Variants in DIPK1C observed in about 807,000 individuals in gnomAD.
The protein encoded by DIPK1C is divergent protein kinase domain 1C.
Under a neutral mutation model 28.0 loss-of-function variants are expected in DIPK1C, and 33 were observed. That is an observed-to-expected ratio of 1.18 (90% confidence interval 0.89 to 1.58). The LOEUF is 1.58. Among genes scored for constraint, DIPK1C ranks in the 40% most tolerant of loss-of-function variants. The pLI is 0.00. For missense variants in DIPK1C, 569 were observed against 568.5 expected (o/e 1.00, Z -0.01); for synonymous variants, 255 against 248.8 (o/e 1.02, Z -0.23).
intron 1 of DIPK1C, among the ~76,000 whole-genome samples, chr18:74,454,170 G>A (rs1986455470): frequency 6.9e-6 from 1 of 145,082 alleles, no homozygotes; most frequent in African/African-American, 2.5e-5. Context: ...GCCATTAAGA[G>A]GAGCCCTAGA....
chr18:74,438,549 T>G (rs184132570), intron 3 of DIPK1C, among the ~76,000 whole-genome samples: 76 of 152,346 alleles, frequency 5.0e-4, no homozygotes, highest in African/African-American at 1.8e-3. Flanking sequence ...CGCCACAGAT[T>G]CATTTTGCCA....
chr18:74,444,805 C>T (rs1426897933), intron 2 of DIPK1C, among the ~76,000 whole-genome samples: 1 of 152,110 alleles, frequency 6.6e-6, no homozygotes, highest in Non-Finnish European at 1.5e-5. Flanking sequence ...CGGTGCAGCA[C>T]CAGCCGACAA....
chr18:74,448,671 A>G (rs4892216), intron 1 of DIPK1C, among the ~76,000 whole-genome samples: 28,899 of 152,122 alleles, frequency 0.19, 3,610 homozygotes, highest in East Asian at 0.54. Context: ...CATCAGGAGA[A>G]GCCTGGGAAC....
rs763408015 is a variant in DIPK1C at position 74,447,104 on chromosome 18, C to T, written c.378G>A (p.Pro126=). The change falls in exon 2 of 4, where the codon CCG becomes CCA. Residue 126 remains proline, a synonymous_variant. Coordinates refer to ENST00000343998, the MANE Select transcript of DIPK1C (RefSeq NM_001044369.3). The surrounding 1 kb of genome is among the most constrained non-coding windows in gnomAD (Gnocchi z 4.1). ...KSKEEAFSSF[P]PLSLLEEEAG... ...CCTCCTCTTCCAACAGGCTGAGGGGCGGGAAGCTGGAGAAGGCCTCCTCCT... is the reference window on the plus strand; with the variant it reads ...CCTCCTCTTCCAACAGGCTGAGGGGTGGGAAGCTGGAGAAGGCCTCCTCCT... 7 of 1,550,370 alleles carry T rather than the reference C, an allele frequency of 4.5e-6. No individual in the cohort carries two copies. The highest frequency in any genetic ancestry group is 1.4e-5 in the African/African-American group (1 of 73,048).
chr18:74,464,586 A>G, the DIPK1C span, among the ~76,000 whole-genome samples: 5,452 of 152,318 alleles, frequency 0.036, 162 homozygotes, highest in East Asian at 0.11. Context: ...ACATGCTGTG[A>G]ATTTGGATAA....
At position 74,436,440 on chromosome 18, in the gene DIPK1C, G is replaced by T; in HGVS notation, c.*61C>A. On this transcript the variant is annotated 3_prime_UTR_variant, in exon 4 of 4. Transcript: ENST00000343998. Reference sequence around the variant, plus strand: ...GAAATGGCTCATCTTTAAAACAATGGCAGAAGAAATCCAGCCAAGGTCACT... The same window carrying T: ...GAAATGGCTCATCTTTAAAACAATGTCAGAAGAAATCCAGCCAAGGTCACT... 1 of 1,456,730 alleles carries T rather than the reference G, an allele frequency of 6.9e-7. No homozygotes were observed. Among genetic ancestry groups the T allele is most frequent in the Non-Finnish European group, 9.2e-7 (1 of 1,082,026 alleles). The allele number at this position is 1,456,730 out of a possible 1,614,324, so 90.2% of individuals were successfully genotyped here.
chr18:74,438,540 G>A (rs537483895), intron 3 of DIPK1C, among the ~76,000 whole-genome samples: 1 of 152,250 alleles, frequency 6.6e-6, no homozygotes, highest in East Asian at 1.9e-4. Context: ...CAACGCAAAC[G>A]CCACAGATTC....
rs796995203 is a variant in DIPK1C, at chr18:74,444,382, A to T, written c.876+2224T>A. Among the ~76,000 whole-genome samples the T allele has an allele frequency of 1.8e-4, 28 of 152,332 alleles. 1 individual carries two copies. Among genetic ancestry groups the T allele is most frequent in the African/African-American group, 6.7e-4 (28 of 41,582 alleles). On this transcript the variant is annotated intron_variant, in intron 2 of 3. Coordinates refer to ENST00000343998, the MANE Select transcript of DIPK1C (RefSeq NM_001044369.3). Reference sequence around the variant, plus strand: ...GAATGACTGTGAATGACCAATTCTTACACCTCTGCTGGGAGGCGCCCCTTC... The same window carrying T: ...GAATGACTGTGAATGACCAATTCTTTCACCTCTGCTGGGAGGCGCCCCTTC...
chr18:74,448,019 G>A (rs967141045), intron 1 of DIPK1C, among the ~76,000 whole-genome samples: 1 of 152,094 alleles, frequency 6.6e-6, no homozygotes, highest in Non-Finnish European at 1.5e-5. Context: ...CCCGGATGGG[G>A]TGTTTCTCCT....
At chr18:74,455,097 A>G (rs1428090898) in intron 1 of DIPK1C, among the ~76,000 whole-genome samples, 1 of 152,166 alleles carries the variant, frequency 6.6e-6, no homozygotes, top group African/African-American at 2.4e-5. Context: ...CTCCAGCTTT[A>G]TGTCTGACTA....
chr18:74,449,143 A>G (rs1332245755), intron 1 of DIPK1C, among the ~76,000 whole-genome samples: 1 of 152,162 alleles, frequency 6.6e-6, no homozygotes, highest in Non-Finnish European at 1.5e-5. Context: ...AGCCTCTGAA[A>G]ACTACGAGTT....
chr18:74,458,260 G>A (rs1216052382), upstream of DIPK1C, among the ~76,000 whole-genome samples: 3 of 152,286 alleles, frequency 2.0e-5, no homozygotes, highest in African/African-American at 7.2e-5. Flanking sequence ...AAGCCGCCAC[G>A]CCCGGGGCTC....
In DIPK1C at chr18:74,444,975, G is replaced by A. The variant is rs190530372; in HGVS notation, c.876+1631C>T. On this transcript the variant is annotated intron_variant, in intron 2 of 3. Transcript: ENST00000343998. ...TATGTAGGTAAAAGCATCTGATGTC[G>A]CCCACTCGGCATCACAGACCCCATC... Among the ~76,000 whole-genome samples the A allele has an allele frequency of 1.5e-3, 225 of 152,272 alleles. 1 individual carries two copies. Among genetic ancestry groups the A allele is most frequent in the African/African-American group, 5.1e-3 (212 of 41,550 alleles).
In DIPK1C at chr18:74,450,016, G is replaced by A. The variant is rs1433656750; in HGVS notation, c.199-2733C>T. 2.0e-5 allele frequency among the ~76,000 whole-genome samples: 3 copies of A among 152,090 alleles called. No individual in the cohort carries two copies. The East Asian group carries it at 5.8e-4, about 29-fold the overall frequency. The stretch of plus-strand genomic sequence containing the variant: ...TCGGAGGAAAGCGGCAGCTGGTCAG[G>A]CTCCTCTGAGACCTTTCAGGAGAGC... On this transcript the variant is annotated intron_variant, in intron 1 of 3. Transcript: ENST00000343998.
chr18:74,453,929 C>A (rs7239814), intron 1 of DIPK1C, among the ~76,000 whole-genome samples: 2 of 152,102 alleles, frequency 1.3e-5, no homozygotes, highest in Non-Finnish European at 2.9e-5. Context: ...CGAAACAATT[C>A]GCACAGTGCC....
In DIPK1C at chr18:74,436,187, G is replaced by A. The variant is rs1424137915; in HGVS notation, c.*314C>T. On this transcript the variant is annotated 3_prime_UTR_variant, in exon 4 of 4. Coordinates refer to ENST00000343998, the MANE Select transcript of DIPK1C (RefSeq NM_001044369.3). Reference sequence around the variant, plus strand: ...AAAGAACAGCTGGAACTCGTGCTGGGATAACCAGGTACAAGTGCTCTCTGC... The same window carrying A: ...AAAGAACAGCTGGAACTCGTGCTGGAATAACCAGGTACAAGTGCTCTCTGC... 1 of 361,406 alleles carries A rather than the reference G, an allele frequency of 2.8e-6. No individual in the cohort carries two copies. Among genetic ancestry groups the A allele is most frequent in the Non-Finnish European group, 5.0e-6 (1 of 198,134 alleles). The allele number at this position is 361,406 out of a possible 1,614,324, so 22.4% of individuals were successfully genotyped here.
intron 3 of DIPK1C, among the ~76,000 whole-genome samples, chr18:74,440,360 A>G (rs894818213): frequency 2.6e-5 from 4 of 152,244 alleles, no homozygotes; most frequent in Admixed American, 2.6e-4. Context: ...GTGCACAAAT[A>G]AAATTGCTCA....
intron 2 of DIPK1C, among the ~76,000 whole-genome samples, chr18:74,443,398 G>A (rs529627716): frequency 2.6e-5 from 4 of 152,308 alleles, no homozygotes; most frequent in South Asian, 4.1e-4. Flanking sequence ...GGTCAGCATC[G>A]AGATACCAGC....
upstream of DIPK1C, among the ~76,000 whole-genome samples, chr18:74,459,051 T>G (rs1986578697): frequency 6.6e-6 from 1 of 152,310 alleles, no homozygotes; most frequent in South Asian, 2.1e-4. Flanking sequence ...CTGCAATGAC[T>G]GTTATCACAC....
Sources: allele counts gnomAD v4.1 joint callset (sites outside exome capture counted in the v4.1 genomes callset), GRCh38; gene constraint gnomAD v4.1.1; non-coding constraint Gnocchi (gnomAD v3.1); transcripts MANE v1.5; gene names NCBI Gene and HGNC (gene_info 2026-07-23, HGNC 2026-07-21).